Variants in ASH1L observed in about 807,000 individuals in gnomAD.
The protein encoded by ASH1L is histone-lysine N-methyltransferase ASH1L.
Under a neutral mutation model 269.0 loss-of-function variants are expected in ASH1L, and 23 were observed. The observed-to-expected ratio is 0.09, with a 90% CI of 0.06 to 0.12. ASH1L has a LOEUF of 0.12. Among genes scored for constraint, ASH1L ranks in the 10% least tolerant of loss-of-function variants. ASH1L has a pLI of 1.00. For missense variants in ASH1L, 2,912 were observed against 3,567.8 expected, an observed-to-expected ratio of 0.82 and a Z score of 4.68; for synonymous variants, 1,187 against 1,253.5, an observed-to-expected ratio of 0.95 and a Z score of 1.12.
At chr1:155,348,052 T>G in intron 19 of ASH1L, 148 bp from the exon 20 acceptor site, 4 of 917,898 alleles carry the variant, frequency 4.4e-6, no homozygotes. Context: ...GGCCAGATAG[T>G]TGGTAACAAC....
At chr1:155,446,855 G>T (rs769819527) in intron 4 of ASH1L, among the ~76,000 whole-genome samples, 1 of 149,550 alleles carries the variant, frequency 6.7e-6, no homozygotes, top group Admixed American at 6.7e-5. Flanking sequence ...CGCCCGCTTC[G>T]GCCTCTCAAA....
chr1:155,354,467 C>A lies in ASH1L; in HGVS notation c.7213+6G>T. 1 of 1,604,662 alleles carries A rather than the reference C, an allele frequency of 6.2e-7. No individual in the cohort carries two copies. Among genetic ancestry groups the A allele is most frequent in the Non-Finnish European group, 8.5e-7 (1 of 1,177,150 alleles). On this transcript the variant is annotated splice_donor_region_variant and intron_variant, in intron 16 of 27. Coordinates refer to ENST00000392403, the MANE Select transcript of ASH1L (RefSeq NM_018489.3). The stretch of plus-strand genomic sequence containing the variant: ...TCAAAAAAAAGAAATGTTTCAAATG[C>A]CTTACCAGACTTGATATTCCCATCA...
chr1:155,353,160 T>A (rs1654078024), intron 16 of ASH1L, among the ~76,000 whole-genome samples: 1 of 152,186 alleles, frequency 6.6e-6, no homozygotes. Context: ...TGCTTATTAG[T>A]TGTGTGATCT....
In ASH1L at chr1:155,378,405, A is replaced by G. The variant is rs1656652155; in HGVS notation, c.6224-16T>C. The G allele has an allele frequency of 6.2e-7, 1 of 1,612,442 alleles. No individual in the cohort carries two copies. Among genetic ancestry groups the G allele is most frequent in the Non-Finnish European group, 8.5e-7 (1 of 1,178,572 alleles). ...ACGTAGACATCTTGAAAAGAAAGCA[A>G]AGAATAGTTTGTGAACATACAGGAT... On this transcript the variant is annotated splice_polypyrimidine_tract_variant and intron_variant, in intron 9 of 27. Coordinates refer to ENST00000392403, the MANE Select transcript of ASH1L (RefSeq NM_018489.3).
At chr1:155,497,430 T>C (rs1667222600) in intron 2 of ASH1L, among the ~76,000 whole-genome samples, 1 of 152,224 alleles carries the variant, frequency 6.6e-6, no homozygotes, top group Admixed American at 6.5e-5. Context: ...CTCTTCCTCC[T>C]TGGCCTATTC....
At chr1:155,455,054 T>C (rs571144880) in intron 4 of ASH1L, among the ~76,000 whole-genome samples, 15 of 152,294 alleles carry the variant, frequency 9.8e-5, no homozygotes, top group African/African-American at 3.6e-4. Flanking sequence ...TTATGTTCTC[T>C]AGAATGTGAA....
intron 2 of ASH1L, among the ~76,000 whole-genome samples, chr1:155,503,568 C>A (rs898426505): frequency 2.6e-5 from 4 of 152,142 alleles, no homozygotes; most frequent in African/African-American, 9.6e-5. Context: ...ACATTATCTT[C>A]TTTTAATAAT....
chr1:155,502,131 C>T (rs1222426068), intron 2 of ASH1L, among the ~76,000 whole-genome samples: 1 of 142,284 alleles, frequency 7.0e-6, no homozygotes, highest in Admixed American at 7.4e-5. Flanking sequence ...AGTGCAATGG[C>T]GCGATCTTGG....
At chr1:155,532,981 AG>A (rs1669793097) in intron 1 of ASH1L, among the ~76,000 whole-genome samples, 1 of 146,510 alleles carries the variant, frequency 6.8e-6, no homozygotes, top group African/African-American at 2.6e-5. Context: ...AGAGAGAGAG[AG>A]AGTGTGTGTG....
intron 1 of ASH1L, among the ~76,000 whole-genome samples, chr1:155,554,089 T>C (rs1329541516): frequency 6.6e-6 from 1 of 151,248 alleles, no homozygotes; most frequent in Non-Finnish European, 1.5e-5. Context: ...CCGAGTTTTT[T>C]TTTTTTTCCT....
At position 155,478,110 on chromosome 1, in the gene ASH1L, G is replaced by C; in HGVS notation, c.4760C>G (p.Ser1587Cys). Residue 1587 changes from serine to cysteine, a missense_variant, in exon 3 of 28, where the codon TCC becomes TGC. Ser to Cys is a moderately radical substitution (Grantham distance 112, BLOSUM62 -1). Coordinates refer to ENST00000392403, the MANE Select transcript of ASH1L (RefSeq NM_018489.3). This position sits in a 1 kb window ranked among gnomAD's most constrained non-coding sequence, Gnocchi z 4.6. Reference sequence around the variant, plus strand: ...AGAGTTGGGAGTGAATCCTCCAAGGGATAAGCTTGGAGAACTTTCTGAACA... The same window carrying C: ...AGAGTTGGGAGTGAATCCTCCAAGGCATAAGCTTGGAGAACTTTCTGAACA... ...IDCSESSPSLSLGGFTPNSEP... is the reference protein window; with the variant it reads ...IDCSESSPSLCLGGFTPNSEP... The C allele has an allele frequency of 6.2e-7, 1 of 1,614,116 alleles. No homozygotes were observed. Among genetic ancestry groups the C allele is most frequent in the Non-Finnish European group, 8.5e-7 (1 of 1,180,026 alleles).
At chr1:155,431,485 G>C (rs1219092313) in intron 5 of ASH1L, among the ~76,000 whole-genome samples, 1 of 151,912 alleles carries the variant, frequency 6.6e-6, no homozygotes, top group Non-Finnish European at 1.5e-5. Flanking sequence ...AGATGGACCA[G>C]GTGCGGTGCT....
intron 2 of ASH1L, among the ~76,000 whole-genome samples, chr1:155,488,382 G>A (rs1313380942): frequency 1.3e-5 from 2 of 150,746 alleles, no homozygotes; most frequent in Admixed American, 6.6e-5. Flanking sequence ...TTTTGAAGCC[G>A]GGTACGGTGG....
At chr1:155,499,168 C>A (rs1667348604) in intron 2 of ASH1L, among the ~76,000 whole-genome samples, 1 of 151,952 alleles carries the variant, frequency 6.6e-6, no homozygotes, top group Non-Finnish European at 1.5e-5. Flanking sequence ...AGCATAATTT[C>A]TTAAATAAAT....
chr1:155,452,325 G>A (rs781653740), intron 4 of ASH1L, among the ~76,000 whole-genome samples: 1 of 151,914 alleles, frequency 6.6e-6, no homozygotes. Flanking sequence ...AGGCGTGACC[G>A]ACTGCGTCCT....
intron 15 of ASH1L, among the ~76,000 whole-genome samples, chr1:155,356,642 CAAA>C (rs1277769920): frequency 1.5e-5 from 1 of 67,556 alleles, no homozygotes; most frequent in Non-Finnish European, 3.2e-5. Context: ...GACTCCGTCT[CAAA>C]AAAAAAAAAA....
rs78794525 is a variant in ASH1L, at chr1:155,508,809, A to C, written c.420+12291T>G. On this transcript the variant is annotated intron_variant, in intron 2 of 27. Transcript: ENST00000392403. ...ACTGCTGCCTCATAGGAGTAAGAAG[A>C]AGCTCCAACAGGACCAAAAGAAAAG... Among the ~76,000 whole-genome samples the C allele has an allele frequency of 5.8e-3, 888 of 152,332 alleles. 9 individuals carry two copies. The highest frequency in any genetic ancestry group is 0.021 in the African/African-American group (854 of 41,576).
At chr1:155,364,283 A>G (rs1465579676) in intron 12 of ASH1L, among the ~76,000 whole-genome samples, 2 of 152,110 alleles carry the variant, frequency 1.3e-5, no homozygotes, top group Non-Finnish European at 2.9e-5. Flanking sequence ...GGAGAAAAAG[A>G]TATCTTCTAG....
chr1:155,483,805 A>G (rs1159132466), intron 2 of ASH1L, among the ~76,000 whole-genome samples: 1 of 152,154 alleles, frequency 6.6e-6, no homozygotes, highest in East Asian at 1.9e-4. Context: ...AATATTGAGA[A>G]ATTGTCAACA....
Sources: gnomAD v4.1 joint callset for allele counts (sites outside exome capture counted in the v4.1 genomes callset) on GRCh38, gnomAD v4.1.1 for gene constraint, Gnocchi (gnomAD v3.1) non-coding constraint, MANE v1.5 for transcripts, NCBI Gene and HGNC (gene_info 2026-07-23, HGNC 2026-07-21) for gene names.